The following SERPINA12 variants were observed in gnomAD, a reference collection of about 807,000 sequenced individuals.
SERPINA12 encodes serpin family A member 12.
A neutral mutation model predicts 25.9 loss-of-function variants in SERPINA12; 21 were observed. The observed-to-expected ratio is 0.81, with a 90% CI of 0.58 to 1.17. SERPINA12 has a LOEUF of 1.17. Ranked by LOEUF, SERPINA12 falls within the 50% of genes most tolerant of loss-of-function variation. SERPINA12 has a pLI of 0.00. For synonymous variants in SERPINA12, 220 were observed against 196.0 expected (o/e 1.12, Z -1.02); for missense variants, 562 against 508.3 (o/e 1.11, Z -1.02).
At chr14:94,513,079 C>G (rs1226943922), upstream of SERPINA12, among the ~76,000 whole-genome samples, 1 of 152,190 alleles carries the variant, frequency 6.6e-6, no homozygotes, top group Non-Finnish European at 1.5e-5. Flanking sequence ...CCACGGCTCA[C>G]CATGCAGGTG....
chr14:94,495,850 T>C (rs1189559807), intron 3 of SERPINA12, among the ~76,000 whole-genome samples: 1 of 152,240 alleles, frequency 6.6e-6, no homozygotes, highest in African/African-American at 2.4e-5. Flanking sequence ...TGGGAGGAAT[T>C]CTGTAGGCTT....
intron 1 of SERPINA12, chr14:94,503,319 C>G: frequency 1.0e-6 from 1 of 985,274 alleles, no homozygotes; most frequent in Non-Finnish European, 1.2e-6. Flanking sequence ...GAACATGTCC[C>G]CATTCCACTT....
chr14:94,489,541 A>C (rs1595683263), intron 4 of SERPINA12, 79 bp downstream of exon 4: 1 of 1,512,604 alleles, frequency 6.6e-7, no homozygotes, highest in Admixed American at 1.9e-5. Flanking sequence ...TCTGACAGCC[A>C]CTGTGACCCT....
intron 1 of SERPINA12, chr14:94,504,256 G>A (rs1032266763): frequency 6.6e-6 from 1 of 152,332 alleles, no homozygotes; most frequent in South Asian, 2.1e-4. Flanking sequence ...GGCAGGTGAT[G>A]GAGGCTTTGG....
chr14:94,488,186 G>T (rs1899983647), intron 4 of SERPINA12, among the ~76,000 whole-genome samples: 2 of 152,168 alleles, frequency 1.3e-5, no homozygotes, highest in Non-Finnish European at 2.9e-5. Flanking sequence ...ATGTTTGTGG[G>T]AAGTCTGTGG....
At chr14:94,505,717 C>A (rs1900906645) in intron 1 of SERPINA12, among the ~76,000 whole-genome samples, 1 of 152,182 alleles carries the variant, frequency 6.6e-6, no homozygotes, top group Admixed American at 6.5e-5. Flanking sequence ...TGCCTCCCTG[C>A]CTGCCCCAGA....
chr14:94,512,469 A>G (rs1367621831), upstream of SERPINA12, among the ~76,000 whole-genome samples: 1 of 152,206 alleles, frequency 6.6e-6, no homozygotes, highest in Non-Finnish European at 1.5e-5. Flanking sequence ...AATCATAGCA[A>G]TAGTTATAAT....
chr14:94,496,297 G>T, intron 3 of SERPINA12, 76 bp downstream of exon 3: 2 of 1,481,050 alleles, frequency 1.4e-6, no homozygotes, highest in Non-Finnish European at 1.9e-6. Context: ...TGGCCATGAG[G>T]TAAGAGCTCA....
chr14:94,496,139 G>T (rs191515296), intron 3 of SERPINA12, among the ~76,000 whole-genome samples: 22 of 152,202 alleles, frequency 1.4e-4, no homozygotes, highest in African/African-American at 4.8e-4. Context: ...CCTGACCACC[G>T]CCCTCCAGTA....
At chr14:94,491,121 G>A (rs1458485786) in intron 3 of SERPINA12, among the ~76,000 whole-genome samples, 1 of 152,206 alleles carries the variant, frequency 6.6e-6, no homozygotes, top group Non-Finnish European at 1.5e-5. Flanking sequence ...ACCAGGTGCT[G>A]TTCTAGGTGC....
intron 2 of SERPINA12, among the ~76,000 whole-genome samples, 176 bp downstream of exon 2, chr14:94,497,588 T>A (rs916154512): frequency 3.3e-5 from 5 of 152,232 alleles, no homozygotes; most frequent in African/African-American, 9.6e-5. Context: ...TAAATCTCAA[T>A]AACTGTATGA....
intron 1 of SERPINA12, chr14:94,503,231 G>A (rs972256041): frequency 1.0e-6 from 1 of 984,870 alleles, no homozygotes; most frequent in African/African-American, 1.7e-5. Context: ...CCTGTTAGAA[G>A]TAAGAGAAGC....
intron 1 of SERPINA12, among the ~76,000 whole-genome samples, chr14:94,499,664 G>A (rs2139855230): frequency 6.6e-6 from 1 of 152,314 alleles, no homozygotes; most frequent in East Asian, 1.9e-4. Context: ...TCTTAGATTG[G>A]GTTCCCTAGA....
At chr14:94,491,916 G>T (rs995212738) in intron 3 of SERPINA12, among the ~76,000 whole-genome samples, 1 of 152,094 alleles carries the variant, frequency 6.6e-6, no homozygotes, top group East Asian at 1.9e-4. Flanking sequence ...TAATAGAGAT[G>T]GTGTTTAAAG....
chr14:94,498,267 G>T lies in SERPINA12; in HGVS notation c.131C>A (p.Ala44Glu). Residue 44 changes from alanine (A) to glutamate (E), a missense_variant, in exon 2 of 5, where the codon GCA (alanine) becomes GAA (glutamate). By Grantham distance (107) the Ala-to-Glu change is moderately radical (BLOSUM62 -1). Coordinates refer to ENST00000677451, the MANE Select transcript of SERPINA12 (RefSeq NM_001382267.1). ...SEVQGWKQRM[A>E]AKELARQNMD... ...GTTCTGCCTTGCAAGCTCCTTGGCT[G>T]CCATCCTTTGCTTCCATCCTTGGAC... 1 of 1,614,208 alleles carries T rather than the reference G, an allele frequency of 6.2e-7. No homozygotes were observed. The highest frequency in any genetic ancestry group is 2.2e-5 in the East Asian group (1 of 44,884).
upstream of SERPINA12, among the ~76,000 whole-genome samples, chr14:94,513,383 T>C (rs1459412863): frequency 6.6e-6 from 1 of 152,122 alleles, no homozygotes; most frequent in Non-Finnish European, 1.5e-5. Flanking sequence ...CAGTAGAGAC[T>C]CAAGAATCTG....
Position 94,489,826 on chromosome 14 carries a change from C to A in SERPINA12, c.906-59G>T, listed in dbSNP as rs144194439. 129 of 1,552,734 alleles carry A rather than the reference C, an allele frequency of 8.3e-5. No homozygotes were observed. The African/African-American group carries it at 1.5e-3, about 19-fold the overall frequency. ...AGTCCTGTTGTGTTGCAGGGCAAGCCTCAGGATACATGACCAATGAAACAT... is the reference window on the plus strand; with the variant it reads ...AGTCCTGTTGTGTTGCAGGGCAAGCATCAGGATACATGACCAATGAAACAT... On this transcript the variant is annotated intron_variant, in intron 3 of 4. Transcript: ENST00000677451.
intron 1 of SERPINA12, among the ~76,000 whole-genome samples, chr14:94,507,256 A>T (rs1410536798): frequency 2.6e-5 from 4 of 152,262 alleles, no homozygotes; most frequent in Non-Finnish European, 5.9e-5. Context: ...ACCCACAAGA[A>T]TCAAAATGAT....
At chr14:94,502,315 C>A (rs193025670) in intron 1 of SERPINA12, among the ~76,000 whole-genome samples, 1 of 152,234 alleles carries the variant, frequency 6.6e-6, no homozygotes, top group East Asian at 1.9e-4. Context: ...CAGATCCAAA[C>A]CAGATGGGAA....
Sources: allele counts gnomAD v4.1 joint callset (sites outside exome capture counted in the v4.1 genomes callset), GRCh38; gene constraint gnomAD v4.1.1; transcripts MANE v1.5; gene names NCBI Gene and HGNC (gene_info 2026-07-23, HGNC 2026-07-21).